Variants in PDE11A observed in about 807,000 individuals in gnomAD.
PDE11A encodes phosphodiesterase 11A, also known as dual 3',5'-cyclic-AMP and -GMP phosphodiesterase 11A.
Under a neutral mutation model 100.5 loss-of-function variants are expected in PDE11A, and 100 were observed. The observed-to-expected ratio is 1.00, with a 90% CI of 0.85 to 1.18. The LOEUF is 1.18. Among genes scored for constraint, PDE11A ranks in the 50% most tolerant of loss-of-function variants. The probability of loss-of-function intolerance (pLI) is 0.00; values close to 1 mark genes in which losing one functional copy is unlikely to be tolerated. For synonymous variants in PDE11A, 381 were observed against 420.8 expected, an observed-to-expected ratio of 0.91 and a Z score of 1.16; for missense variants, 1,141 against 1,152.6, an observed-to-expected ratio of 0.99 and a Z score of 0.15.
chr2:177,637,918 CACATACATAT>C (rs2080068468), intron 19 of PDE11A, among the ~76,000 whole-genome samples: 1 of 33,320 alleles, frequency 3.0e-5, no homozygotes, highest in Admixed American at 8.0e-4. Flanking sequence ...TACATATATA[CACATACATAT>C]ATACATATAT....
intron 2 of PDE11A, among the ~76,000 whole-genome samples, chr2:177,928,493 G>T (rs2085161233): frequency 7.7e-6 from 1 of 130,378 alleles, no homozygotes; most frequent in Non-Finnish European, 1.6e-5. Context: ...TGGTGACCTT[G>T]TCTCTAAATA....
chr2:177,766,095 T>C (rs932037476), intron 10 of PDE11A, among the ~76,000 whole-genome samples: 3 of 152,150 alleles, frequency 2.0e-5, no homozygotes, highest in African/African-American at 7.2e-5. Context: ...GTCTCCATGC[T>C]TTTTGGCGCC....
intron 2 of PDE11A, among the ~76,000 whole-genome samples, chr2:178,093,400 T>G (rs1274024516): frequency 6.7e-6 from 1 of 148,486 alleles, no homozygotes; most frequent in Non-Finnish European, 1.5e-5. Flanking sequence ...GACTACTAAC[T>G]CATATTTGCA....
chr2:178,019,581 ATTC>A (rs2086381302), intron 1 of PDE11A, among the ~76,000 whole-genome samples: 1 of 152,222 alleles, frequency 6.6e-6, no homozygotes. Context: ...TAGATGGCTT[ATTC>A]TTATCTAAAA....
chr2:177,777,605 C>A (rs921303706), intron 9 of PDE11A, among the ~76,000 whole-genome samples: 1 of 152,156 alleles, frequency 6.6e-6, no homozygotes, highest in East Asian at 1.9e-4. Context: ...CTAGGTTCAT[C>A]ATACATTTTT....
chr2:177,821,675 T>G (rs1448312201), intron 6 of PDE11A, among the ~76,000 whole-genome samples: 1 of 151,942 alleles, frequency 6.6e-6, no homozygotes, highest in Non-Finnish European at 1.5e-5. Context: ...CTGATAGATA[T>G]GTGGTTATAT....
chr2:178,071,426 A>G, intron 1 of PDE11A, 100 bp downstream of exon 1: 1 of 1,471,212 alleles, frequency 6.8e-7, no homozygotes, highest in Non-Finnish European at 9.4e-7. Flanking sequence ...TGTATTGTAA[A>G]GAGCCTAAAT....
intron 1 of PDE11A, among the ~76,000 whole-genome samples, chr2:178,026,719 T>A (rs2105837813): frequency 6.6e-6 from 1 of 152,172 alleles, no homozygotes; most frequent in Non-Finnish European, 1.5e-5. Flanking sequence ...TAAAGTTTTT[T>A]AGGTTTTGAA....
At chr2:177,964,173 A>G (rs1852500) in intron 2 of PDE11A, among the ~76,000 whole-genome samples, 75,689 of 151,414 alleles carry the variant, frequency 0.5, 21,858 homozygotes, top group African/African-American at 0.8. Context: ...TTATTGAGAC[A>G]GGGTCTTGCT....
At chr2:177,783,415 T>TC (rs1401064854) in intron 9 of PDE11A, among the ~76,000 whole-genome samples, 1 of 148,728 alleles carries the variant, frequency 6.7e-6, no homozygotes, top group Non-Finnish European at 1.5e-5. Context: ...GAGGTGGTTT[T>TC]TTTCCCCCTG....
At chr2:177,685,580 G>A (rs1242837987) in intron 15 of PDE11A, among the ~76,000 whole-genome samples, 2 of 151,618 alleles carry the variant, frequency 1.3e-5, no homozygotes, top group Non-Finnish European at 2.9e-5. Context: ...ACGGAGTTTC[G>A]CTCTTGTTGA....
At chr2:177,894,170 G>C (rs1558995295) in intron 4 of PDE11A, among the ~76,000 whole-genome samples, 1 of 152,092 alleles carries the variant, frequency 6.6e-6, no homozygotes, top group Non-Finnish European at 1.5e-5. Flanking sequence ...AACTTGGGTG[G>C]TGCACAGAAC....
chr2:178,093,603 G>A (rs954668337), intron 2 of PDE11A, among the ~76,000 whole-genome samples: 1 of 152,172 alleles, frequency 6.6e-6, no homozygotes, highest in Non-Finnish European at 1.5e-5. Flanking sequence ...GGAAGCACCT[G>A]TTATAATTGT....
chr2:177,711,290 C>T (rs1017690278), intron 13 of PDE11A, among the ~76,000 whole-genome samples: 1 of 152,198 alleles, frequency 6.6e-6, no homozygotes, highest in African/African-American at 2.4e-5. Flanking sequence ...AAACTATATT[C>T]CTTGAACGTG....
chr2:177,814,841 G>T (rs1013604135), intron 9 of PDE11A, among the ~76,000 whole-genome samples: 24 of 152,150 alleles, frequency 1.6e-4, no homozygotes, highest in African/African-American at 5.3e-4. Context: ...GGCTCATTGG[G>T]GTAGGAGTAG....
At chr2:178,026,472 C>A (rs2086479504) in intron 1 of PDE11A, among the ~76,000 whole-genome samples, 1 of 151,968 alleles carries the variant, frequency 6.6e-6, no homozygotes, top group East Asian at 1.9e-4. Flanking sequence ...ACCAGCCTGG[C>A]CAACATGGTG....
At chr2:177,907,860 G>C (rs2084815089) in intron 2 of PDE11A, among the ~76,000 whole-genome samples, 1 of 152,126 alleles carries the variant, frequency 6.6e-6, no homozygotes, top group South Asian at 2.1e-4. Flanking sequence ...GCTATTACTG[G>C]GGTCAGGGAA....
At chr2:177,918,153 GTATCAATCCAAAA>G (rs746637441) in intron 2 of PDE11A, among the ~76,000 whole-genome samples, 18 of 152,180 alleles carry the variant, frequency 1.2e-4, no homozygotes, top group Admixed American at 3.9e-4. Flanking sequence ...ACAAACTGGG[GTATCAATCCAAAA>G]TAGCAGAGGG....
intron 6 of PDE11A, among the ~76,000 whole-genome samples, chr2:177,832,554 C>CT (rs1558961247): frequency 8.1e-4 from 118 of 146,290 alleles, no homozygotes; most frequent in Non-Finnish European, 1.5e-3. Flanking sequence ...TACTCACATC[C>CT]ATCTATCTAT....
Sources: gnomAD v4.1 joint callset for allele counts (sites outside exome capture counted in the v4.1 genomes callset) on GRCh38, gnomAD v4.1.1 for gene constraint, MANE v1.5 for transcripts, NCBI Gene and HGNC (gene_info 2026-07-23, HGNC 2026-07-21) for gene names.